Variants in ITGB4 observed in about 807,000 individuals in gnomAD.
The protein encoded by ITGB4 is integrin subunit beta 4.
In ITGB4, 159 loss-of-function variants were observed where a neutral mutation model predicts 207.6. That is an observed-to-expected ratio of 0.77 (90% CI 0.67 to 0.87). The LOEUF (loss-of-function observed/expected upper bound fraction) is 0.87. Among genes scored for constraint, ITGB4 ranks in the 40% least tolerant of loss-of-function variants. The pLI is 0.00. For synonymous variants in ITGB4, 1,020 were observed against 1,062.7 expected, an observed-to-expected ratio of 0.96 and a Z score of 0.78; for missense variants, 2,278 against 2,546.8, an observed-to-expected ratio of 0.89 and a Z score of 2.27.
rs542864250 is a variant in ITGB4, at chr17:75,722,034, G to A, written c.-11+422G>A. On this transcript the variant is annotated intron_variant, in intron 1 of 39. Transcript: ENST00000200181. This position sits in a 1 kb window ranked among gnomAD's most constrained non-coding sequence, Gnocchi z 6.2. ...TGAAATTTCGTTCTTTCTAACATTG[G>A]CTCCTACTTTTAAAAGCCACCCTGA... is the stretch of plus-strand genomic sequence containing the variant. 1.3e-5 allele frequency among the ~76,000 whole-genome samples: 2 copies of A among 152,218 alleles called. No individual in the cohort carries two copies. Among genetic ancestry groups the A allele is most frequent in the African/African-American group, 2.4e-5 (1 of 41,460 alleles).
chr17:75,734,648 G>A (rs2060937412), intron 13 of ITGB4, among the ~76,000 whole-genome samples: 2 of 152,194 alleles, frequency 1.3e-5, no homozygotes, highest in African/African-American at 4.8e-5. Flanking sequence ...TACTTATGAA[G>A]CCCTCACTGT....
Position 75,739,446 on chromosome 17 carries a change from C to T in ITGB4, c.2221-226C>T, listed in dbSNP as rs548118524. Among the ~76,000 whole-genome samples, 18 of 152,254 alleles carry T rather than the reference C, an allele frequency of 1.2e-4. No individual in the cohort carries two copies. The highest frequency in any genetic ancestry group is 5.8e-4 in the East Asian group (3 of 5,190). The stretch of plus-strand genomic sequence containing the variant: ...GACCACAGAACCTTTACAGAGCACC[C>T]GGCAGGATGAGAGTTCCACGGCGCA... On this transcript the variant is annotated intron_variant, in intron 18 of 39. Transcript: ENST00000200181. This position sits in a 1 kb window ranked among gnomAD's most constrained non-coding sequence, Gnocchi z 5.4.
chr17:75,730,861 C>T lies in ITGB4; in HGVS notation c.1003-14C>T. On this transcript the variant is annotated splice_polypyrimidine_tract_variant and intron_variant, in intron 8 of 39. Transcript: ENST00000200181. ...GGAGATGCTTAGCCTGAGACCTGGC[C>T]TTCTCTCCCGCAGAAGCTTCACACC... The T allele has an allele frequency of 1.2e-6, 2 of 1,603,156 alleles. No homozygotes were observed. Among genetic ancestry groups the T allele is most frequent in the Non-Finnish European group, 1.7e-6 (2 of 1,171,750 alleles).
chr17:75,754,821 T>C lies in ITGB4; in HGVS notation c.4558+6T>C. The C allele has an allele frequency of 6.2e-7, 1 of 1,613,844 alleles. No individual in the cohort carries two copies. Among genetic ancestry groups the C allele is most frequent in the Non-Finnish European group, 8.5e-7 (1 of 1,179,914 alleles). On this transcript the variant is annotated splice_donor_region_variant and intron_variant, in intron 34 of 39. Transcript: ENST00000200181. ...CACCTCCGTCTCCTCCCACGGTGAG[T>C]GACCTCAGCCAACCCTGCCTCTCCC... is the stretch of plus-strand genomic sequence containing the variant.
chr17:75,728,495 G>A (rs1408945851), intron 6 of ITGB4, 22 bp downstream of exon 6: 6 of 1,586,206 alleles, frequency 3.8e-6, no homozygotes, highest in Admixed American at 1.7e-5. Flanking sequence ...TGTGGGTCCC[G>A]CAGGTGGGCA....
In ITGB4 at chr17:75,757,716, G is replaced by A; in HGVS notation, c.*161G>A. ...TCCTGGGAGGCATGAAGGGGGCAAGGTCCGTCCTCTGTGGGCCCAAACCTA... is the reference window on the plus strand; with the variant it reads ...TCCTGGGAGGCATGAAGGGGGCAAGATCCGTCCTCTGTGGGCCCAAACCTA... On this transcript the variant is annotated 3_prime_UTR_variant, in exon 40 of 40. Transcript: ENST00000200181. 1.0e-6 allele frequency: 1 copy of A among 984,722 alleles called. No individual in the cohort carries two copies. The highest frequency in any genetic ancestry group is 2.6e-5 in the East Asian group (1 of 38,852). 61.0% of individuals were successfully genotyped at this position (984,722 alleles called of 1,614,324 possible).
rs1468024354 is a variant in ITGB4, at chr17:75,749,028, T to A, written c.3299T>A (p.Ile1100Asn). 6.2e-7 allele frequency: 1 copy of A among 1,611,046 alleles called. No homozygotes were observed. The highest frequency in any genetic ancestry group is 2.2e-5 in the East Asian group (1 of 44,840). The stretch of plus-strand genomic sequence containing the variant: ...CTGGGCCAGCCCCACTCCACCACCA[T>A]CATCATCAGGGACCCAGGTAGGCAG... ...AHLGQPHSTT[I>N]IIRDPDELDR... The change falls in exon 27 of 40, where the codon ATC becomes AAC. Residue 1100 changes from isoleucine (I) to asparagine (N), a missense_variant. Ile to Asn is a moderately radical substitution (Grantham distance 149, BLOSUM62 -3). Transcript: ENST00000200181.
intron 26 of ITGB4, among the ~76,000 whole-genome samples, chr17:75,748,375 C>T (rs1262143316): frequency 2.1e-5 from 3 of 144,364 alleles, no homozygotes; most frequent in East Asian, 4.2e-4. Context: ...AACAAACAAA[C>T]AAACAGAAAC....
rs765100523 is a variant in ITGB4, at chr17:75,740,507, G to A, written c.2550+46G>A. The A allele has an allele frequency of 1.2e-5, 18 of 1,503,290 alleles. No homozygotes were observed. The highest frequency in any genetic ancestry group is 1.5e-5 in the Non-Finnish European group (16 of 1,081,540). 93.1% of individuals were successfully genotyped at this position (1,503,290 alleles called of 1,614,324 possible). On this transcript the variant is annotated intron_variant, in intron 21 of 39. Transcript: ENST00000200181. The surrounding 1 kb of genome is among the most constrained non-coding windows in gnomAD (Gnocchi z 5.9). ...CCTGGCCGGAGATGTGGGTATGAGG[G>A]CGGGTGAGGTGGGCAGGGCAGAGCG...
intron 34 of ITGB4, chr17:75,755,282 G>C: frequency 1.3e-6 from 2 of 1,511,282 alleles, no homozygotes; most frequent in Non-Finnish European, 1.8e-6. Context: ...CACCATAGCA[G>C]CCGCCAGCTG....
intron 31 of ITGB4, 33 bp downstream of exon 31, chr17:75,752,389 C>T (rs1423562064): frequency 8.9e-6 from 14 of 1,577,342 alleles, no homozygotes; most frequent in East Asian, 7.1e-5. Context: ...AGGGGCAGAC[C>T]GGGCAGGGGG....
At chr17:75,755,001 C>G (rs1218401546) in intron 34 of ITGB4, 186 bp downstream of exon 34, 2 of 1,562,430 alleles carry the variant, frequency 1.3e-6, no homozygotes, top group Non-Finnish European at 1.7e-6. Flanking sequence ...CGCACACGTA[C>G]ACACATGCAT....
rs144295763 is a variant in ITGB4 at position 75,742,886 on chromosome 17, G to T, written c.2962+125G>T. 1 of 882,222 alleles carries T rather than the reference G, an allele frequency of 1.1e-6. No individual in the cohort carries two copies. The highest frequency in any genetic ancestry group is 1.7e-6 in the Non-Finnish European group (1 of 582,632). The allele number at this position is 882,222 out of a possible 1,614,324, so 54.6% of individuals were successfully genotyped here. ...TAGTCACTTAACCTCTGCAAGCCTTGGTTTCTCCATCTGTAAAATGGGTAA... is the reference window on the plus strand; with the variant it reads ...TAGTCACTTAACCTCTGCAAGCCTTTGTTTCTCCATCTGTAAAATGGGTAA... On this transcript the variant is annotated intron_variant, in intron 25 of 39. Transcript: ENST00000200181. This position sits in a 1 kb window ranked among gnomAD's most constrained non-coding sequence, Gnocchi z 5.9.
chr17:75,742,594 T>A lies in ITGB4; in HGVS notation c.2795T>A (p.Met932Lys). ...AACCCCCACCCAGACGCCCGGGGCA[T>A]GGTGGAGTTCCAGGAGGGCGTGGAG... ...TLTADQDARG[M>K]VEFQEGVELV... The change falls in exon 25 of 40, where the codon ATG becomes AAG. Residue 932 changes from methionine (M) to lysine (K), a missense_variant. By Grantham distance (95) the Met-to-Lys change is moderately conservative. Coordinates refer to ENST00000200181, the MANE Select transcript of ITGB4 (RefSeq NM_000213.5). This position sits in a 1 kb window ranked among gnomAD's most constrained non-coding sequence, Gnocchi z 5.9. The A allele has an allele frequency of 1.2e-6, 2 of 1,613,944 alleles. No homozygotes were observed. Among genetic ancestry groups the A allele is most frequent in the South Asian group, 2.2e-5 (2 of 91,084 alleles).
chr17:75,738,160 A>G (rs1354581320), intron 18 of ITGB4, among the ~76,000 whole-genome samples: 1 of 152,148 alleles, frequency 6.6e-6, no homozygotes, highest in Non-Finnish European at 1.5e-5. Flanking sequence ...AGTGAAGTTC[A>G]GAAGGGACTG....
Position 75,756,543 on chromosome 17 carries a change from G to A in ITGB4, c.4823G>A (p.Trp1608Ter). Residue 1608 changes from tryptophan to a stop codon, truncating the protein, a stop_gained, in exon 36 of 40, where the codon TGG becomes TAG. Transcript: ENST00000200181. LOFTEE classifies it high-confidence loss of function. ...GTGCGGGCCCAGAGCCAGGAAGGCT[G>A]GGGCCGAGAGCGTGAGGGTGTCATC... is the stretch of plus-strand genomic sequence containing the variant. ...FRVRAQSQEG[W>*]GREREGVITI... is the part of the protein sequence containing the mutation. 1.2e-6 allele frequency: 2 copies of A among 1,613,232 alleles called. No individual in the cohort carries two copies. Among genetic ancestry groups the A allele is most frequent in the South Asian group, 1.1e-5 (1 of 91,088 alleles).
rs752584075 is a variant in ITGB4 at position 75,736,069 on chromosome 17, T to C, written c.1676T>C (p.Met559Thr). The change falls in exon 14 of 40, where the codon ATG becomes ACG. Residue 559 changes from methionine to threonine, a missense_variant. Transcript: ENST00000200181. ...TCTGCAGACCGAGGACGCTGCTCCA[T>C]GGGCCAGTGTGTGTGTGAGCCTGGT... ...FLCNDRGRCSMGQCVCEPGWT... is the reference protein window; with the variant it reads ...FLCNDRGRCSTGQCVCEPGWT... 6.8e-6 allele frequency: 11 copies of C among 1,614,012 alleles called. No homozygotes were observed. Among genetic ancestry groups the C allele is most frequent in the South Asian group, 3.3e-5 (3 of 91,090 alleles).
In ITGB4 at chr17:75,751,030, C is replaced by A. The variant is rs778718095; in HGVS notation, c.3712C>A (p.Leu1238Met). 1 of 1,613,768 alleles carries A rather than the reference C, an allele frequency of 6.2e-7. No homozygotes were observed. The highest frequency in any genetic ancestry group is 8.5e-7 in the Non-Finnish European group (1 of 1,180,030). ...FNVVSSTVTQLSWAEPAETNG... is the reference protein window; with the variant it reads ...FNVVSSTVTQMSWAEPAETNG... ...TGTCGTCTCCTCCACGGTGACCCAGCTGAGCTGGGCTGAGCCGGCTGAGAC... is the reference window on the plus strand; with the variant it reads ...TGTCGTCTCCTCCACGGTGACCCAGATGAGCTGGGCTGAGCCGGCTGAGAC... The change falls in exon 30 of 40, where the codon CTG becomes ATG. Residue 1238 changes from leucine to methionine, a missense_variant. Leu to Met is a conservative substitution (Grantham distance 15). Coordinates refer to ENST00000200181, the MANE Select transcript of ITGB4 (RefSeq NM_000213.5).
At chr17:75,726,968 G>A (rs1020790784) in intron 2 of ITGB4, among the ~76,000 whole-genome samples, 3 of 152,042 alleles carry the variant, frequency 2.0e-5, no homozygotes, top group African/African-American at 7.2e-5. Flanking sequence ...AGCTACTCCA[G>A]AGGCTGAGGT....
Sources: allele counts gnomAD v4.1 joint callset (sites outside exome capture counted in the v4.1 genomes callset), GRCh38; gene constraint gnomAD v4.1.1; non-coding constraint Gnocchi (gnomAD v3.1); transcripts MANE v1.5; gene names NCBI Gene and HGNC (gene_info 2026-07-23, HGNC 2026-07-21).